Variants in PPARGC1A observed in about 807,000 individuals in gnomAD.
PPARGC1A encodes peroxisome proliferator-activated receptor gamma coactivator 1-alpha.
PPARGC1A carries 25 observed loss-of-function variants against 88.7 expected under a neutral mutation model. That is an observed-to-expected ratio of 0.28 (90% CI 0.21 to 0.39). PPARGC1A has a LOEUF of 0.39. Ranked by LOEUF, PPARGC1A falls within the 10% of genes least tolerant of loss-of-function variation. The pLI, the probability that PPARGC1A is intolerant of heterozygous loss-of-function variation, is 1.00. For synonymous variants in PPARGC1A, 363 were observed against 355.6 expected (o/e 1.02, Z -0.24); for missense variants, 880 against 968.7 (o/e 0.91, Z 1.22).
the PPARGC1A span, among the ~76,000 whole-genome samples, chr4:24,117,640 G>T: frequency 3.3e-5 from 5 of 151,360 alleles, no homozygotes; most frequent in Non-Finnish European, 7.4e-5. Context: ...AGAGCTCAGT[G>T]ACTCCCCTGG....
chr4:24,287,173 T>C, the PPARGC1A span, among the ~76,000 whole-genome samples: 1 of 150,938 alleles, frequency 6.6e-6, no homozygotes, highest in East Asian at 1.9e-4. Context: ...ACCTACTAGA[T>C]GCCAGTATTA....
At chr4:23,898,104 G>A (rs1446055525) in intron 1 of PPARGC1A, among the ~76,000 whole-genome samples, 1 of 152,178 alleles carries the variant, frequency 6.6e-6, no homozygotes, top group Non-Finnish European at 1.5e-5. Flanking sequence ...TTCCTAATAT[G>A]AGAAGACCCT....
chr4:23,844,518 A>C (rs1221081841), intron 2 of PPARGC1A, among the ~76,000 whole-genome samples: 2 of 115,938 alleles, frequency 1.7e-5, no homozygotes, highest in African/African-American at 6.9e-5. Flanking sequence ...TAATATAATA[A>C]TCACATAATA....
the PPARGC1A span, among the ~76,000 whole-genome samples, chr4:24,064,871 C>A: frequency 6.6e-6 from 1 of 152,112 alleles, no homozygotes; most frequent in Non-Finnish European, 1.5e-5. Context: ...CAAGGCCTCA[C>A]TTACAATCCA....
At chr4:24,044,877 C>G in the PPARGC1A span, among the ~76,000 whole-genome samples, 1 of 152,196 alleles carries the variant, frequency 6.6e-6, no homozygotes, top group Non-Finnish European at 1.5e-5. Flanking sequence ...CACATGACAA[C>G]TCAGAAAAAC....
chr4:24,257,257 C>T, the PPARGC1A span, among the ~76,000 whole-genome samples: 1 of 152,102 alleles, frequency 6.6e-6, no homozygotes. Context: ...CTAGATGAGA[C>T]ATATAAGACC....
At chr4:24,090,094 T>A in the PPARGC1A span, among the ~76,000 whole-genome samples, 1 of 152,316 alleles carries the variant, frequency 6.6e-6, no homozygotes, top group South Asian at 2.1e-4. Context: ...CCTCACAGTC[T>A]TCCTCCCTTC....
the PPARGC1A span, among the ~76,000 whole-genome samples, chr4:23,916,761 C>T: frequency 6.6e-6 from 1 of 152,184 alleles, no homozygotes; most frequent in African/African-American, 2.4e-5. Flanking sequence ...AAGTAATATA[C>T]AAATGTTAGT....
chr4:24,459,532 T>C, the PPARGC1A span, among the ~76,000 whole-genome samples: 1 of 151,620 alleles, frequency 6.6e-6, no homozygotes, highest in Admixed American at 6.6e-5. Context: ...GGTTCACTCC[T>C]GTAATCCCAG....
chr4:24,231,388 A>G, the PPARGC1A span, among the ~76,000 whole-genome samples: 2 of 152,172 alleles, frequency 1.3e-5, no homozygotes, highest in Admixed American at 6.5e-5. Flanking sequence ...CAGAGCCCTC[A>G]GGTATTCAGC....
intron 2 of PPARGC1A, among the ~76,000 whole-genome samples, chr4:23,836,513 T>C (rs954547023): frequency 4.6e-5 from 7 of 152,218 alleles, no homozygotes; most frequent in African/African-American, 1.7e-4. Context: ...CATGCATTTA[T>C]ACTAACAACC....
chr4:23,984,221 T>C, the PPARGC1A span, among the ~76,000 whole-genome samples: 2 of 152,106 alleles, frequency 1.3e-5, no homozygotes, highest in African/African-American at 4.8e-5. Context: ...GGAAGGTCAC[T>C]TCCTCAGGGA....
chr4:23,981,946 G>A, the PPARGC1A span, among the ~76,000 whole-genome samples: 2 of 152,044 alleles, frequency 1.3e-5, no homozygotes, highest in Non-Finnish European at 2.9e-5. Context: ...GAAAAGGTTG[G>A]GTCCTGAGGC....
the PPARGC1A span, among the ~76,000 whole-genome samples, chr4:24,432,541 A>G: frequency 2.0e-5 from 3 of 152,348 alleles, no homozygotes; most frequent in South Asian, 6.2e-4. Context: ...ATAGAGCGCC[A>G]GAGCAGATGC....
At chr4:24,364,678 T>C in the PPARGC1A span, among the ~76,000 whole-genome samples, 3 of 152,206 alleles carry the variant, frequency 2.0e-5, no homozygotes, top group African/African-American at 7.2e-5. Flanking sequence ...ACTTCTATTA[T>C]GTGATTATTC....
chr4:23,885,948 T>C (rs1388096703), intron 1 of PPARGC1A, among the ~76,000 whole-genome samples: 2 of 152,200 alleles, frequency 1.3e-5, no homozygotes, highest in Admixed American at 1.3e-4. Flanking sequence ...TCTTTTTAAC[T>C]GTTTTACCAT....
At chr4:24,371,185 T>C in the PPARGC1A span, among the ~76,000 whole-genome samples, 1 of 152,224 alleles carries the variant, frequency 6.6e-6, no homozygotes, top group Non-Finnish European at 1.5e-5. Flanking sequence ...CTATCATTGA[T>C]GGGCATTTGG....
chr4:24,047,848 A>G, the PPARGC1A span, among the ~76,000 whole-genome samples: 1 of 152,200 alleles, frequency 6.6e-6, no homozygotes, highest in Non-Finnish European at 1.5e-5. Context: ...TGCCACTCTT[A>G]ATCTTACAGA....
chr4:24,024,730 T>A, the PPARGC1A span, among the ~76,000 whole-genome samples: 17 of 152,354 alleles, frequency 1.1e-4, no homozygotes, highest in Admixed American at 4.6e-4. Flanking sequence ...ATTGGCTAAG[T>A]GTATCAAGTC....
Sources: allele counts gnomAD v4.1 joint callset (sites outside exome capture counted in the v4.1 genomes callset), GRCh38; gene constraint gnomAD v4.1.1; transcripts MANE v1.5; gene names NCBI Gene and HGNC (gene_info 2026-07-23, HGNC 2026-07-21).